Variants in COL23A1 observed in about 807,000 individuals in gnomAD.
The protein encoded by COL23A1 is collagen type XXIII alpha 1 chain, also known as collagen alpha-1(XXIII) chain.
In COL23A1, 97 loss-of-function variants were observed where a neutral mutation model predicts 99.3. That is an observed-to-expected ratio of 0.98 (90% CI 0.83 to 1.16). COL23A1 has a LOEUF of 1.16. Ranked by LOEUF, COL23A1 falls within the 50% of genes most tolerant of loss-of-function variation. The pLI, the probability that COL23A1 is intolerant of heterozygous loss-of-function variation, is 0.00. For synonymous variants in COL23A1, 320 were observed against 308.2 expected (o/e 1.04, Z -0.40); for missense variants, 762 against 757.4 (o/e 1.01, Z -0.07).
At position 178,263,204 on chromosome 5, in the gene COL23A1, T is replaced by C; in HGVS notation, c.639+4A>G. On this transcript the variant is annotated splice_donor_region_variant and intron_variant, in intron 9 of 28. Transcript: ENST00000390654. ...GCGTGGCCCAACTCCATGCCCTCTCTTACCGCTGGGCCTTGTGCTCCCCTG... is the reference window on the plus strand; with the variant it reads ...GCGTGGCCCAACTCCATGCCCTCTCCTACCGCTGGGCCTTGTGCTCCCCTG... The C allele has an allele frequency of 6.2e-7, 1 of 1,608,904 alleles. No homozygotes were observed. The highest frequency in any genetic ancestry group is 2.2e-5 in the East Asian group (1 of 44,846).
rs1561896922 is a variant in COL23A1 at position 178,358,264 on chromosome 5, G to GTATA, written c.362-51346_362-51345insTATA. On this transcript the variant is annotated intron_variant, in intron 2 of 28. Coordinates refer to ENST00000390654, the MANE Select transcript of COL23A1 (RefSeq NM_173465.4). ...TATGTGTATGTGTGTGTATGTATAT[G>GTATA]TGTGTATATGTGTGTATGCGTGTGC... 1.0e-4 allele frequency among the ~76,000 whole-genome samples: 15 copies of GTATA among 143,804 alleles called. 1 individual carries two copies. Among genetic ancestry groups the GTATA allele is most frequent in the African/African-American group, 2.9e-4 (11 of 38,134 alleles). The allele number at this position is 143,804 out of a possible 152,430, so 94.3% of individuals were successfully genotyped here. A position where few individuals can be genotyped will look rare whatever the true frequency, so the allele number is the denominator to read the frequency against.
intron 2 of COL23A1, among the ~76,000 whole-genome samples, chr5:178,497,064 GA>G (rs1223046145): frequency 1.3e-5 from 2 of 152,100 alleles, no homozygotes; most frequent in African/African-American, 4.8e-5. Flanking sequence ...TCTCATCTCA[GA>G]ACTCTACGTC....
chr5:178,305,980 C>T (rs192311496), intron 3 of COL23A1, among the ~76,000 whole-genome samples: 4 of 152,098 alleles, frequency 2.6e-5, no homozygotes, highest in East Asian at 3.9e-4. Context: ...GGCAGGGCAA[C>T]GTCCAACCTC....
chr5:178,546,068 G>A (rs1271946060), intron 2 of COL23A1, among the ~76,000 whole-genome samples: 2 of 151,898 alleles, frequency 1.3e-5, no homozygotes, highest in Admixed American at 1.3e-4. Context: ...AGGCTGCCCG[G>A]GAGGTGCTCA....
intron 2 of COL23A1, among the ~76,000 whole-genome samples, chr5:178,492,251 T>C (rs1013540475): frequency 2.6e-5 from 4 of 152,188 alleles, no homozygotes; most frequent in African/African-American, 9.6e-5. Flanking sequence ...AAAATTTATA[T>C]GCTGAAGTCT....
At chr5:178,312,926 C>T (rs1049046611) in intron 2 of COL23A1, among the ~76,000 whole-genome samples, 1 of 152,192 alleles carries the variant, frequency 6.6e-6, no homozygotes, top group Non-Finnish European at 1.5e-5. Context: ...GGCGCAACAG[C>T]CAAAAGGTGG....
chr5:178,372,733 T>C (rs1429452887), intron 2 of COL23A1, among the ~76,000 whole-genome samples: 2 of 151,568 alleles, frequency 1.3e-5, no homozygotes, highest in Admixed American at 6.6e-5. Flanking sequence ...CCACCACACC[T>C]GGCTAATTTT....
At chr5:178,423,315 TAG>T (rs1765734527) in intron 2 of COL23A1, among the ~76,000 whole-genome samples, 1 of 152,128 alleles carries the variant, frequency 6.6e-6, no homozygotes, top group South Asian at 2.1e-4. Context: ...TTCACTGGGC[TAG>T]TGATATTCAG....
chr5:178,329,616 G>A (rs17081081), intron 2 of COL23A1, among the ~76,000 whole-genome samples: 2,933 of 152,244 alleles, frequency 0.019, 46 homozygotes, highest in South Asian at 0.079. Flanking sequence ...CTGGGCCATC[G>A]CAGTCCACCC....
chr5:178,514,217 C>T (rs974897015), intron 2 of COL23A1, among the ~76,000 whole-genome samples: 1 of 152,204 alleles, frequency 6.6e-6, no homozygotes, highest in Non-Finnish European at 1.5e-5. Flanking sequence ...AAGGTCCATC[C>T]ATGCTGGAAC....
At chr5:178,431,011 G>A (rs1766233221) in intron 2 of COL23A1, among the ~76,000 whole-genome samples, 1 of 152,130 alleles carries the variant, frequency 6.6e-6, no homozygotes, top group South Asian at 2.1e-4. Flanking sequence ...GAGGGAGACG[G>A]GCTAGGAAGG....
intron 2 of COL23A1, among the ~76,000 whole-genome samples, chr5:178,327,717 T>C (rs1026745710): frequency 1.3e-5 from 2 of 151,956 alleles, no homozygotes; most frequent in African/African-American, 4.8e-5. Context: ...TGTCCAGGGG[T>C]GCAGACAGTG....
At chr5:178,462,462 A>C (rs1756173314) in intron 2 of COL23A1, among the ~76,000 whole-genome samples, 1 of 152,250 alleles carries the variant, frequency 6.6e-6, no homozygotes, top group South Asian at 2.1e-4. Flanking sequence ...AACAAAAGAG[A>C]AGAATCTGTA....
chr5:178,590,062 C>A lies in COL23A1; in HGVS notation c.136G>T (p.Gly46Cys), dbSNP rs1764191692. The change falls in exon 1 of 29, where the codon GGC becomes TGC. Residue 46 changes from glycine to cysteine, a missense_variant. Transcript: ENST00000390654. The surrounding 1 kb of genome is among the most constrained non-coding windows in gnomAD (Gnocchi z 5.7). The part of the protein sequence containing the change: ...VSALCLLLSV[G>C]SAAACLLLGV... ...AGCAGCAGGCAGGCAGCCGCCGAGCCCACGGAGAGCAGCAGGCACAGCGCG... is the reference window on the plus strand; with the variant it reads ...AGCAGCAGGCAGGCAGCCGCCGAGCACACGGAGAGCAGCAGGCACAGCGCG... The A allele has an allele frequency of 7.4e-7, 1 of 1,343,410 alleles. No individual in the cohort carries two copies. 83.2% of individuals were successfully genotyped at this position (1,343,410 alleles called of 1,614,324 possible).
At chr5:178,294,328 CTACCGAG>C (rs1561834853) in intron 3 of COL23A1, among the ~76,000 whole-genome samples, 10 of 37,966 alleles carry the variant, frequency 2.6e-4, no homozygotes, top group African/African-American at 5.4e-4. Flanking sequence ...CCCCAAATCA[CTACCGAG>C]CTCCCTCCCC....
At chr5:178,319,982 C>T (rs1341036595) in intron 2 of COL23A1, among the ~76,000 whole-genome samples, 2 of 152,244 alleles carry the variant, frequency 1.3e-5, no homozygotes, top group African/African-American at 4.8e-5. Context: ...GGCCTCTGCA[C>T]CAGCTTCCCT....
chr5:178,333,507 T>C (rs979746345), intron 2 of COL23A1, among the ~76,000 whole-genome samples: 1 of 152,262 alleles, frequency 6.6e-6, no homozygotes, highest in East Asian at 1.9e-4. Context: ...CGCCCTTTCA[T>C]GTCCTCACTC....
chr5:178,561,454 A>C (rs1442546963), intron 1 of COL23A1, among the ~76,000 whole-genome samples: 1 of 152,214 alleles, frequency 6.6e-6, no homozygotes, highest in African/African-American at 2.4e-5. Context: ...CCTACAATGC[A>C]GGGACTGCTC....
chr5:178,428,791 A>C lies in COL23A1; in HGVS notation c.362-121872T>G, dbSNP rs1371489967. Among the ~76,000 whole-genome samples the C allele has an allele frequency of 1.3e-5, 2 of 152,074 alleles. No homozygotes were observed. Among genetic ancestry groups the C allele is most frequent in the African/African-American group, 4.8e-5 (2 of 41,388 alleles). On this transcript the variant is annotated intron_variant, in intron 2 of 28. Coordinates refer to ENST00000390654, the MANE Select transcript of COL23A1 (RefSeq NM_173465.4). This position sits in a 1 kb window ranked among gnomAD's most constrained non-coding sequence, Gnocchi z 5.0. Reference sequence around the variant, plus strand: ...AACTGGGCTCAGTGTTAGGATTTTAACTGCTCATCTGCCCAGATGGGGGCT... The same window carrying C: ...AACTGGGCTCAGTGTTAGGATTTTACCTGCTCATCTGCCCAGATGGGGGCT...
Sources: allele counts gnomAD v4.1 joint callset (sites outside exome capture counted in the v4.1 genomes callset), GRCh38; gene constraint gnomAD v4.1.1; non-coding constraint Gnocchi (gnomAD v3.1); transcripts MANE v1.5; gene names NCBI Gene and HGNC (gene_info 2026-07-23, HGNC 2026-07-21).